Variants in WASHC2C observed in about 807,000 individuals in gnomAD.
WASHC2C encodes Vaccinia Penetration Factor.
WASHC2C carries 73 observed loss-of-function variants against 142.2 expected under a neutral mutation model. The observed-to-expected ratio is 0.51, with a 90% CI of 0.43 to 0.62. The LOEUF (loss-of-function observed/expected upper bound fraction) is 0.62. Among genes scored for constraint, WASHC2C ranks in the 20% least tolerant of loss-of-function variants. The probability of loss-of-function intolerance (pLI) is 0.00; values close to 1 mark genes in which losing one functional copy is unlikely to be tolerated. For synonymous variants in WASHC2C, 337 were observed against 565.5 expected (o/e 0.60, Z 5.73); for missense variants, 969 against 1,531.7 (o/e 0.63, Z 6.13).
intron 26 of WASHC2C, chr10:45,785,936 C>T (rs2058010373): frequency 2.7e-6 from 1 of 374,528 alleles, no homozygotes; most frequent in Admixed American, 4.4e-5. Flanking sequence ...ATTTCTCCCT[C>T]TGGATTTCCT....
At chr10:45,763,510 A>G in intron 18 of WASHC2C, 21 bp downstream of exon 18, 2 of 614,292 alleles carry the variant, frequency 3.3e-6, no homozygotes, top group South Asian at 4.0e-5. Context: ...TTATTGTAAC[A>G]CTAGATAATT....
intron 25 of WASHC2C, 54 bp downstream of exon 25, chr10:45,784,955 G>A: frequency 5.0e-6 from 8 of 1,610,602 alleles, no homozygotes; most frequent in South Asian, 1.1e-5. Flanking sequence ...TCTGGGAAAG[G>A]AAACTAACGT....
chr10:45,732,300 C>T (rs1290286325), intron 3 of WASHC2C, among the ~76,000 whole-genome samples: 1 of 152,140 alleles, frequency 6.6e-6, no homozygotes, highest in Non-Finnish European at 1.5e-5. Flanking sequence ...ACAATCCGTA[C>T]TTTCTAGGGC....
intron 27 of WASHC2C, 168 bp downstream of exon 27, chr10:45,786,842 C>T (rs879965257): frequency 2.4e-5 from 37 of 1,546,460 alleles, no homozygotes; most frequent in African/African-American, 4.1e-5. Flanking sequence ...AACATCTATT[C>T]TTTGAGCCCA....
At chr10:45,729,319 T>C (rs1554861419) in intron 3 of WASHC2C, among the ~76,000 whole-genome samples, 3 of 152,248 alleles carry the variant, frequency 2.0e-5, no homozygotes, top group African/African-American at 4.8e-5. Flanking sequence ...TCACACTGCC[T>C]TTGTTGTGGC....
At position 45,784,612 on chromosome 10, in the gene WASHC2C, T is replaced by C; in HGVS notation, c.2526T>C (p.Asp842=). The change falls in exon 24 of 31, where the codon GAT becomes GAC. Residue 842 remains aspartate, a synonymous_variant. Coordinates refer to ENST00000623400, the MANE Select transcript of WASHC2C (RefSeq NM_001330074.2). ...AHPKSTGVFQ[D]EELLFSHKLQ... ...CCAAGAGCACAGGTGTCTTCCAGGA[T>C]GAAGAGCTGCTTTTCAGCCACAAGC... 6.2e-7 allele frequency: 1 copy of C among 1,610,786 alleles called. No homozygotes were observed. Among genetic ancestry groups the C allele is most frequent in the South Asian group, 1.1e-5 (1 of 90,918 alleles).
chr10:45,769,586 A>T lies in WASHC2C; in HGVS notation c.2007A>T (p.Lys669Asn), dbSNP rs782711589. The T allele has an allele frequency of 2.5e-6, 4 of 1,611,946 alleles. No individual in the cohort carries two copies. Among genetic ancestry groups the T allele is most frequent in the East Asian group, 4.5e-5 (2 of 44,862 alleles). The change falls in exon 20 of 31, where the codon AAA becomes AAT. Residue 669 changes from lysine to asparagine, a missense_variant. By Grantham distance (94) the Lys-to-Asn change is moderately conservative. Coordinates refer to ENST00000623400, the MANE Select transcript of WASHC2C (RefSeq NM_001330074.2). ...VKKTSLFEED[K>N]EDDLFAIAKD... is the part of the protein sequence containing the mutation. The stretch of plus-strand genomic sequence containing the variant: ...AGACCAGTCTCTTTGAGGAAGACAA[A>T]GAAGATGATCTTTTTGCCATTGCCA...
intron 17 of WASHC2C, among the ~76,000 whole-genome samples, chr10:45,762,801 GA>G (rs1210046742): frequency 6.6e-6 from 1 of 152,120 alleles, no homozygotes; most frequent in Non-Finnish European, 1.5e-5. Context: ...AGCTACTCAG[GA>G]GGCAGAGGCA....
chr10:45,758,835 A>G (rs2054668137), intron 16 of WASHC2C, among the ~76,000 whole-genome samples: 1 of 149,670 alleles, frequency 6.7e-6, no homozygotes, highest in Admixed American at 6.8e-5. Context: ...TGATGCTCAG[A>G]TTGACCTGCA....
intron 26 of WASHC2C, 134 bp downstream of exon 26, chr10:45,785,765 T>C: frequency 2.0e-6 from 3 of 1,512,370 alleles, no homozygotes; most frequent in Non-Finnish European, 2.7e-6. Context: ...CAGCTTTGTC[T>C]TCACTGCACT....
chr10:45,773,670 G>A (rs1340514943), intron 21 of WASHC2C, among the ~76,000 whole-genome samples: 7 of 152,224 alleles, frequency 4.6e-5, no homozygotes, highest in Non-Finnish European at 2.9e-5. Flanking sequence ...TTTTATGAGT[G>A]TGTGTCGAGT....
chr10:45,792,564 G>A lies in WASHC2C; in HGVS notation c.*164G>A, dbSNP rs2058446980. 1 of 1,012,088 alleles carries A rather than the reference G, an allele frequency of 9.9e-7. No homozygotes were observed. Among genetic ancestry groups the A allele is most frequent in the Admixed American group, 3.0e-5 (1 of 33,562 alleles). The allele number at this position is 1,012,088 out of a possible 1,614,324, so 62.7% of individuals were successfully genotyped here. A position where few individuals can be genotyped will look rare whatever the true frequency, so the allele number is the denominator to read the frequency against. ...TATTTTTCTGCACTGGTTTAATCAT[G>A]CTTAATACTACAAAACAAAAATAAA... On this transcript the variant is annotated 3_prime_UTR_variant, in exon 31 of 31. Coordinates refer to ENST00000623400, the MANE Select transcript of WASHC2C (RefSeq NM_001330074.2).
intron 21 of WASHC2C, among the ~76,000 whole-genome samples, chr10:45,775,653 G>C (rs1305503504): frequency 1.3e-5 from 2 of 149,560 alleles, no homozygotes; most frequent in African/African-American, 2.5e-5. Flanking sequence ...GTCTCTTTTT[G>C]TCTCCCCTAT....
At chr10:45,749,836 A>AAAAAAAAATATAT (rs1227809519) in intron 8 of WASHC2C, among the ~76,000 whole-genome samples, 5 of 101,770 alleles carry the variant, frequency 4.9e-5, no homozygotes, top group South Asian at 7.0e-4. Context: ...AAAAAAAAAA[A>AAAAAAAAATATAT]ATATATATAT....
In WASHC2C at chr10:45,750,935, A is replaced by C. The variant is rs187476100; in HGVS notation, c.931+97A>C. On this transcript the variant is annotated intron_variant, in intron 10 of 30. Transcript: ENST00000623400. ...CGGATTTCTCTTTTTATTAGTAATTACTACATATATTTATTAGTAATTGCT... is the reference window on the plus strand; with the variant it reads ...CGGATTTCTCTTTTTATTAGTAATTCCTACATATATTTATTAGTAATTGCT... 5.7e-6 allele frequency: 5 copies of C among 884,890 alleles called. No individual in the cohort carries two copies. In the South Asian group the frequency reaches 6.7e-5, roughly 12 times the overall value. The allele number at this position is 884,890 out of a possible 1,614,324, so 54.8% of individuals were successfully genotyped here.
At chr10:45,729,245 C>T (rs1448789266) in intron 3 of WASHC2C, among the ~76,000 whole-genome samples, 1 of 152,076 alleles carries the variant, frequency 6.6e-6, no homozygotes, top group Non-Finnish European at 1.5e-5. Context: ...TTTTCTTATA[C>T]TTCAGTGCTT....
At chr10:45,749,167 C>T (rs1171188248) in intron 8 of WASHC2C, among the ~76,000 whole-genome samples, 4 of 151,560 alleles carry the variant, frequency 2.6e-5, no homozygotes, top group Admixed American at 1.3e-4. Flanking sequence ...AATCCCAGTG[C>T]TTTGAGAATG....
chr10:45,784,502 G>A, intron 23 of WASHC2C, 63 bp from the exon 24 acceptor site: 1 of 1,530,896 alleles, frequency 6.5e-7, no homozygotes, highest in South Asian at 1.3e-5. Flanking sequence ...CTTTACATAT[G>A]TAACTTCCTT....
chr10:45,748,075 A>T (rs1460068549), intron 8 of WASHC2C, among the ~76,000 whole-genome samples: 1 of 124,560 alleles, frequency 8.0e-6, no homozygotes, highest in Non-Finnish European at 1.6e-5. Flanking sequence ...TTTGCATTTA[A>T]ATTTCTTAAC....
Sources: allele counts gnomAD v4.1 joint callset (sites outside exome capture counted in the v4.1 genomes callset), GRCh38; gene constraint gnomAD v4.1.1; transcripts MANE v1.5; gene names NCBI Gene and HGNC (gene_info 2026-07-23, HGNC 2026-07-21).